Variants in MYLK2 observed in about 807,000 individuals in gnomAD.
MYLK2 encodes myosin light chain kinase 2, also known as myosin light chain kinase 2, skeletal/cardiac muscle.
Under a neutral mutation model 58.2 loss-of-function variants are expected in MYLK2, and 27 were observed. That is an observed-to-expected ratio of 0.46 (90% CI 0.34 to 0.64). The LOEUF (loss-of-function observed/expected upper bound fraction) is 0.64. Ranked by LOEUF, MYLK2 falls within the 30% of genes least tolerant of loss-of-function variation. MYLK2 has a pLI of 0.01. For missense variants in MYLK2, 676 were observed against 764.3 expected, an observed-to-expected ratio of 0.88 and a Z score of 1.36; for synonymous variants, 310 against 296.7, an observed-to-expected ratio of 1.04 and a Z score of -0.46.
chr20:31,822,745 C>T (rs986284520), intron 4 of MYLK2, among the ~76,000 whole-genome samples: 1 of 152,090 alleles, frequency 6.6e-6, no homozygotes, highest in Admixed American at 6.5e-5. Flanking sequence ...GAGGACCTGG[C>T]GGCTGGGCGG....
intron 2 of MYLK2, 146 bp downstream of exon 2, chr20:31,819,778 G>T (rs778261863): frequency 5.0e-5 from 54 of 1,084,872 alleles, no homozygotes; most frequent in Non-Finnish European, 7.0e-5. Context: ...GGAATCTCTG[G>T]CTAGGGTTGG....
chr20:31,822,972 C>G (rs141048283), intron 4 of MYLK2, among the ~76,000 whole-genome samples: 1 of 152,178 alleles, frequency 6.6e-6, no homozygotes, highest in Non-Finnish European at 1.5e-5. Flanking sequence ...GTTCCCCACA[C>G]TTGCCGCTAG....
In MYLK2 at chr20:31,819,414, C is replaced by G; in HGVS notation, c.-63C>G. 1.1e-6 allele frequency: 1 copy of G among 903,736 alleles called. No homozygotes were observed. Among genetic ancestry groups the G allele is most frequent in the South Asian group, 1.4e-5 (1 of 70,122 alleles). The allele number at this position is 903,736 out of a possible 1,614,324, so 56.0% of individuals were successfully genotyped here. A position where few individuals can be genotyped will look rare whatever the true frequency, so the allele number is the denominator to read the frequency against. ...GGGAGACAGACGGCAACCAGGTTGC[C>G]CCTCTTTGCTCCAGGTACCTCTCTC... On this transcript the variant is annotated 5_prime_UTR_variant, in exon 1 of 13. Transcript: ENST00000375985.
chr20:31,833,670 C>T (rs770956759), intron 12 of MYLK2, 47 bp from the exon 13 acceptor site: 2 of 1,534,376 alleles, frequency 1.3e-6, no homozygotes, highest in East Asian at 2.2e-5. Context: ...CTGCAGCTGC[C>T]CCCCTGCCCT....
At chr20:31,820,910 A>T (rs1323291200) in intron 3 of MYLK2, among the ~76,000 whole-genome samples, 2 of 152,206 alleles carry the variant, frequency 1.3e-5, no homozygotes, top group Non-Finnish European at 2.9e-5. Flanking sequence ...AAGGCTGTGT[A>T]TTTCCTAGGA....
At chr20:31,821,406 T>TG in intron 3 of MYLK2, 33 bp from the exon 4 acceptor site, 1 of 1,611,808 alleles carries the variant, frequency 6.2e-7, no homozygotes, top group Non-Finnish European at 8.5e-7. Flanking sequence ...CTGTGGCCGC[T>TG]GAGGGCTTCA....
At chr20:31,824,076 C>T (rs1449968429) in intron 5 of MYLK2, 183 bp from the exon 6 acceptor site, 1 of 985,328 alleles carries the variant, frequency 1.0e-6, no homozygotes, top group African/African-American at 1.7e-5. Flanking sequence ...CAGCCATTGT[C>T]CTGGCAGAAC....
intron 8 of MYLK2, among the ~76,000 whole-genome samples, chr20:31,830,161 A>C (rs575717908): frequency 6.6e-6 from 1 of 152,344 alleles, no homozygotes; most frequent in African/African-American, 2.4e-5. Context: ...CTCAGCTGCC[A>C]AATGGGAATG....
At chr20:31,821,338 TTGGGG>T in intron 3 of MYLK2, 96 bp from the exon 4 acceptor site, 1 of 1,411,282 alleles carries the variant, frequency 7.1e-7, no homozygotes, top group East Asian at 2.3e-5. Context: ...CACCATGCAT[TTGGGG>T]TGGGGTTGGA....
chr20:31,824,138 C>G, intron 5 of MYLK2, 121 bp from the exon 6 acceptor site: 1 of 1,532,982 alleles, frequency 6.5e-7, no homozygotes, highest in East Asian at 2.5e-5. Flanking sequence ...GTGCTCCCAT[C>G]TCACCAAAGG....
chr20:31,828,603 GTGTT>G (rs2062291255), intron 8 of MYLK2: 3 of 985,264 alleles, frequency 3.0e-6, no homozygotes. Flanking sequence ...GCCATGAAAA[GTGTT>G]TGAGAAAATA....
In MYLK2 at chr20:31,834,642, T is replaced by C. The variant is rs1373201566; in HGVS notation, c.*845T>C. The C allele has an allele frequency of 6.5e-6, 1 of 152,778 alleles. No homozygotes were observed. 9.5% of individuals were successfully genotyped at this position (152,778 alleles called of 1,614,324 possible). On this transcript the variant is annotated 3_prime_UTR_variant, in exon 13 of 13. Transcript: ENST00000375985. ...AGGAAGGCCATGGGGCAGCCTCCAG[T>C]CTGCTCTCAGCTTGTGCCTTGTAAA...
chr20:31,828,783 T>G, intron 8 of MYLK2: 2 of 945,288 alleles, frequency 2.1e-6, no homozygotes, highest in Non-Finnish European at 2.5e-6. Context: ...GGGTTAGGTG[T>G]GTTAATATCA....
chr20:31,820,502 A>C lies in MYLK2; in HGVS notation c.429A>C (p.Ser143=). Residue 143 remains serine, a synonymous_variant, in exon 3 of 13, where the codon TCA becomes TCC. Coordinates refer to ENST00000375985, the MANE Select transcript of MYLK2 (RefSeq NM_033118.4). Reference sequence around the variant, plus strand: ...GCCAAGCAGCAGCCAGGAGGGGCTCACCTGCCTTTCTGCATAGCCCCAGCT... The same window carrying C: ...GCCAAGCAGCAGCCAGGAGGGGCTCCCCTGCCTTTCTGCATAGCCCCAGCT... ...AEGQAAARRG[S]PAFLHSPSCP... 1 of 1,606,006 alleles carries C rather than the reference A, an allele frequency of 6.2e-7. No individual in the cohort carries two copies.
intron 8 of MYLK2, among the ~76,000 whole-genome samples, chr20:31,829,991 ACC>A (rs2062297717): frequency 6.6e-6 from 1 of 152,108 alleles, no homozygotes; most frequent in Non-Finnish European, 1.5e-5. Context: ...GGAAGAGCCA[ACC>A]CTGTAGTGTT....
Position 31,821,503 on chromosome 20 carries a change from C to A in MYLK2, c.538C>A (p.Pro180Thr). The change falls in exon 4 of 13, where the codon CCC (proline) becomes ACC (threonine). Residue 180 changes from proline to threonine, a missense_variant. By Grantham distance (38) the Pro-to-Thr change is conservative. Coordinates refer to ENST00000375985, the MANE Select transcript of MYLK2 (RefSeq NM_033118.4). ...EASELTFEGV[P>T]MTHSPTDPRP... ...ATCAGAGCTCACCTTTGAAGGGGTGCCCATGACCCACAGCCCCACGGATCC... is the reference window on the plus strand; with the variant it reads ...ATCAGAGCTCACCTTTGAAGGGGTGACCATGACCCACAGCCCCACGGATCC... 6.2e-7 allele frequency: 1 copy of A among 1,614,014 alleles called. No homozygotes were observed.
rs1325365742 is a variant in MYLK2, at chr20:31,826,812, G to C, written c.1098G>C (p.Glu366Asp). The C allele has an allele frequency of 6.2e-7, 1 of 1,614,142 alleles. No homozygotes were observed. Among genetic ancestry groups the C allele is most frequent in the Non-Finnish European group, 8.5e-7 (1 of 1,180,016 alleles). ...GTGCACACAGCATCGAGGGCGGAGA[G>C]CTCTTCGAGAGGATTGTGGATGAGG... is the stretch of plus-strand genomic sequence containing the variant. ...VLFMEYIEGG[E>D]LFERIVDEDY... The change falls in exon 8 of 13, where the codon GAG becomes GAC. Residue 366 changes from glutamate to aspartate, a missense_variant. Transcript: ENST00000375985.
In MYLK2 at chr20:31,834,124, C is replaced by G. The variant is rs1434967963; in HGVS notation, c.*327C>G. On this transcript the variant is annotated 3_prime_UTR_variant, in exon 13 of 13. Coordinates refer to ENST00000375985, the MANE Select transcript of MYLK2 (RefSeq NM_033118.4). ...CTCCTCGTCTTTGAACTGCCGCCGC[C>G]GTGGTGACCCCTGCTTTGCCCCACT... 2.6e-6 allele frequency: 1 copy of G among 388,470 alleles called. No individual in the cohort carries two copies. The highest frequency in any genetic ancestry group is 4.9e-6 in the Non-Finnish European group (1 of 205,036). 24.1% of individuals were successfully genotyped at this position (388,470 alleles called of 1,614,324 possible).
Position 31,831,161 on chromosome 20 carries a change from G to A in MYLK2, c.1424+20G>A, listed in dbSNP as rs375290219. 2.1e-5 allele frequency: 34 copies of A among 1,613,856 alleles called. No individual in the cohort carries two copies. Among genetic ancestry groups the A allele is most frequent in the South Asian group, 8.8e-5 (8 of 91,066 alleles). Reference sequence around the variant, plus strand: ...CATGCTGTGAGCTCCCAGGCGGGTCGTGTTTATGGGGTTGGTGGGGCATGG... The same window carrying A: ...CATGCTGTGAGCTCCCAGGCGGGTCATGTTTATGGGGTTGGTGGGGCATGG... On this transcript the variant is annotated intron_variant, in intron 10 of 12. Coordinates refer to ENST00000375985, the MANE Select transcript of MYLK2 (RefSeq NM_033118.4).
Sources: gnomAD v4.1 joint callset for allele counts (sites outside exome capture counted in the v4.1 genomes callset) on GRCh38, gnomAD v4.1.1 for gene constraint, MANE v1.5 for transcripts, NCBI Gene and HGNC (gene_info 2026-07-23, HGNC 2026-07-21) for gene names.